The following RAPGEF1 variants were observed in gnomAD, a reference collection of about 807,000 sequenced individuals.
The protein encoded by RAPGEF1 is Rap guanine nucleotide exchange factor 1.
RAPGEF1 carries 33 observed loss-of-function variants against 143.3 expected under a neutral mutation model. That is an observed-to-expected ratio of 0.23 (90% CI 0.17 to 0.31). The LOEUF (loss-of-function observed/expected upper bound fraction) is 0.31. Ranked by LOEUF, RAPGEF1 falls within the 10% of genes least tolerant of loss-of-function variation. The pLI is 1.00. For synonymous variants in RAPGEF1, 629 were observed against 676.5 expected, an observed-to-expected ratio of 0.93 and a Z score of 1.09; for missense variants, 1,199 against 1,645.4, an observed-to-expected ratio of 0.73 and a Z score of 4.69.
intron 22 of RAPGEF1, among the ~76,000 whole-genome samples, chr9:131,585,705 G>C (rs911970872): frequency 6.6e-6 from 1 of 152,124 alleles, no homozygotes. Context: ...AGATGATCTC[G>C]GGGCCTTTAA....
intron 1 of RAPGEF1, among the ~76,000 whole-genome samples, chr9:131,661,337 C>T (rs1191439628): frequency 1.3e-5 from 2 of 152,202 alleles, no homozygotes; most frequent in East Asian, 1.9e-4. Context: ...CAAAAGAGTA[C>T]ATTTTATACG....
intron 1 of RAPGEF1, among the ~76,000 whole-genome samples, chr9:131,673,468 T>C (rs747796953): frequency 9.9e-5 from 15 of 152,250 alleles, no homozygotes; most frequent in Non-Finnish European, 2.2e-4. Context: ...AAAGCAGTTA[T>C]CTTTAAAGTT....
chr9:131,616,721 T>C (rs2282005), intron 12 of RAPGEF1, among the ~76,000 whole-genome samples: 131,648 of 152,234 alleles, frequency 0.86, 57,124 homozygotes, highest in African/African-American at 0.93. Context: ...GGACAAACCA[T>C]ACAGGCCCAG....
chr9:131,585,045 T>G (rs1480515394), intron 22 of RAPGEF1, among the ~76,000 whole-genome samples: 1 of 152,102 alleles, frequency 6.6e-6, no homozygotes, highest in Non-Finnish European at 1.5e-5. Flanking sequence ...AGAACCTTAG[T>G]AGCAACCAAA....
chr9:131,700,744 A>G (rs1166512001), intron 1 of RAPGEF1, among the ~76,000 whole-genome samples: 1 of 152,160 alleles, frequency 6.6e-6, no homozygotes, highest in East Asian at 1.9e-4. Flanking sequence ...TGAGAAGAAG[A>G]AGGAGGTCTC....
chr9:131,717,236 A>G (rs545652288), intron 1 of RAPGEF1, among the ~76,000 whole-genome samples: 61 of 152,280 alleles, frequency 4.0e-4, no homozygotes, highest in Non-Finnish European at 7.8e-4. Context: ...CTCACTGCTG[A>G]TGGCCCTCTG....
At chr9:131,698,635 T>TC in intron 1 of RAPGEF1, among the ~76,000 whole-genome samples, 1 of 152,252 alleles carries the variant, frequency 6.6e-6, no homozygotes. Context: ...TCCCCTTGAA[T>TC]CTGGGCTGGC....
chr9:131,580,525 G>A, intron 25 of RAPGEF1, 134 bp from the exon 26 acceptor site: 1 of 1,111,496 alleles, frequency 9.0e-7, no homozygotes, highest in Non-Finnish European at 1.3e-6. Context: ...GCCAGTCTGA[G>A]GTGTCTGTTT....
At chr9:131,729,398 TTGTGCCATC>T (rs1386406919) in intron 1 of RAPGEF1, among the ~76,000 whole-genome samples, 6 of 152,240 alleles carry the variant, frequency 3.9e-5, no homozygotes, top group Admixed American at 3.3e-4. Flanking sequence ...CTTCCTACCG[TTGTGCCATC>T]TGTGAAAGGT....
At chr9:131,677,238 A>G (rs571131666) in intron 1 of RAPGEF1, among the ~76,000 whole-genome samples, 1 of 152,322 alleles carries the variant, frequency 6.6e-6, no homozygotes, top group Non-Finnish European at 1.5e-5. Context: ...GCACAACTGT[A>G]TTTTCCAGCA....
At chr9:131,658,175 T>C (rs1406707794) in intron 1 of RAPGEF1, among the ~76,000 whole-genome samples, 1 of 152,168 alleles carries the variant, frequency 6.6e-6, no homozygotes, top group Admixed American at 6.5e-5. Flanking sequence ...ATATGCCACA[T>C]TGATTCTTAC....
chr9:131,699,297 T>C (rs1046741974), intron 1 of RAPGEF1, among the ~76,000 whole-genome samples: 2 of 148,734 alleles, frequency 1.3e-5, no homozygotes, highest in African/African-American at 5.0e-5. Flanking sequence ...CAGGCTGGAG[T>C]GCAATGGCGT....
At chr9:131,687,144 A>G (rs1466274552) in intron 1 of RAPGEF1, among the ~76,000 whole-genome samples, 1 of 152,184 alleles carries the variant, frequency 6.6e-6, no homozygotes, top group Non-Finnish European at 1.5e-5. Flanking sequence ...ATCAATCAGT[A>G]ATCTTTCTGA....
chr9:131,730,370 G>A (rs1277083750), intron 1 of RAPGEF1, among the ~76,000 whole-genome samples: 1 of 151,672 alleles, frequency 6.6e-6, no homozygotes, highest in Non-Finnish European at 1.5e-5. Flanking sequence ...CCCACATACT[G>A]CAGTCTAGAC....
chr9:131,695,053 T>C (rs1834058194), intron 1 of RAPGEF1, among the ~76,000 whole-genome samples: 1 of 148,702 alleles, frequency 6.7e-6, no homozygotes, highest in East Asian at 2.1e-4. Flanking sequence ...TAACGGATAA[T>C]GTTGACTGTC....
chr9:131,579,418 A>G lies in RAPGEF1; in HGVS notation c.*79T>C. 6.5e-7 allele frequency: 1 copy of G among 1,533,720 alleles called. No homozygotes were observed. On this transcript the variant is annotated 3_prime_UTR_variant, in exon 27 of 27. Transcript: ENST00000683357. ...AGGCCGGGACTCCTGCCATGCGCCTAACAGGTCCAAGGTCCTCTCCGGTCT... is the reference window on the plus strand; with the variant it reads ...AGGCCGGGACTCCTGCCATGCGCCTGACAGGTCCAAGGTCCTCTCCGGTCT...
intron 1 of RAPGEF1, among the ~76,000 whole-genome samples, chr9:131,723,681 T>C (rs1365572061): frequency 6.6e-6 from 1 of 152,248 alleles, no homozygotes; most frequent in Non-Finnish European, 1.5e-5. Flanking sequence ...CACCCATCAG[T>C]GGACACCTGG....
rs552414788 is a variant in RAPGEF1 at position 131,628,141 on chromosome 9, C to T, written c.1018-45G>A. ...ACAAAGCCAAATCACTTCTGAGAAA[C>T]GGTGGCACAGACCAGGGGTGAGGCA... On this transcript the variant is annotated intron_variant, in intron 8 of 26. Coordinates refer to ENST00000683357, the MANE Select transcript of RAPGEF1 (RefSeq NM_001377935.1). The surrounding 1 kb of genome is among the most constrained non-coding windows in gnomAD (Gnocchi z 5.7). 1.6e-5 allele frequency: 24 copies of T among 1,470,192 alleles called. 1 individual carries two copies. The highest frequency in any genetic ancestry group is 8.4e-5 in the African/African-American group (6 of 71,346). The allele number at this position is 1,470,192 out of a possible 1,614,324, so 91.1% of individuals were successfully genotyped here. A position where few individuals can be genotyped will look rare whatever the true frequency, so the allele number is the denominator to read the frequency against.
chr9:131,579,421 A>G lies in RAPGEF1; in HGVS notation c.*76T>C. On this transcript the variant is annotated 3_prime_UTR_variant, in exon 27 of 27. Transcript: ENST00000683357. The stretch of plus-strand genomic sequence containing the variant: ...CCGGGACTCCTGCCATGCGCCTAAC[A>G]GGTCCAAGGTCCTCTCCGGTCTGGG... 1 of 1,536,330 alleles carries G rather than the reference A, an allele frequency of 6.5e-7. No individual in the cohort carries two copies. The highest frequency in any genetic ancestry group is 8.8e-7 in the Non-Finnish European group (1 of 1,136,132).
Sources: gnomAD v4.1 joint callset for allele counts (sites outside exome capture counted in the v4.1 genomes callset) on GRCh38, gnomAD v4.1.1 for gene constraint, Gnocchi (gnomAD v3.1) non-coding constraint, MANE v1.5 for transcripts, NCBI Gene and HGNC (gene_info 2026-07-23, HGNC 2026-07-21) for gene names.